Variants in DAB1 observed in about 807,000 individuals in gnomAD.
The protein encoded by DAB1 is DAB adaptor protein 1.
A neutral mutation model predicts 64.6 loss-of-function variants in DAB1; 15 were observed. That is an observed-to-expected ratio of 0.23 (90% confidence interval 0.16 to 0.36). The LOEUF is 0.36. DAB1 is among the 10% of genes least tolerant of loss of function. The pLI, the probability that DAB1 is intolerant of heterozygous loss-of-function variation, is 1.00. For missense variants in DAB1, 596 were observed against 706.7 expected (o/e 0.84, Z 1.78); for synonymous variants, 235 against 251.9 (o/e 0.93, Z 0.64).
At chr1:57,586,319 G>T (rs956118116) in intron 7 of DAB1, among the ~76,000 whole-genome samples, 3 of 152,098 alleles carry the variant, frequency 2.0e-5, no homozygotes, top group African/African-American at 7.2e-5. Context: ...GAAGCCCAAG[G>T]CTGGGTGAAT....
chr1:57,781,170 A>G (rs1296546294), intron 6 of DAB1, among the ~76,000 whole-genome samples: 194 of 74,442 alleles, frequency 2.6e-3, no homozygotes, highest in African/African-American at 9.8e-3. Flanking sequence ...ATATATATAT[A>G]TAGTTGCCTA....
rs367783977 is a variant in DAB1, at chr1:57,711,476, G to T, written n.552-61811C>A. On this transcript the variant is annotated intron_variant and non_coding_transcript_variant, in intron 6 of 20. Coordinates refer to the DAB1 transcript ENST00000485760. ...GGGGGAGTGGTGGGGATAGCAGTTG[G>T]CTCCAGGGGAATAGGAGTGAAACTG... is the stretch of plus-strand genomic sequence containing the variant. Among the ~76,000 whole-genome samples the T allele has an allele frequency of 2.0e-5, 3 of 152,316 alleles. No individual in the cohort carries two copies. In the East Asian group the frequency reaches 5.8e-4, roughly 29 times the overall value.
At chr1:57,553,799 C>G (rs893595011) in intron 7 of DAB1, among the ~76,000 whole-genome samples, 1 of 152,138 alleles carries the variant, frequency 6.6e-6, no homozygotes, top group African/African-American at 2.4e-5. Context: ...AGGGCGCTCA[C>G]TGAGGCTGGC....
intron 2 of DAB1, among the ~76,000 whole-genome samples, chr1:57,172,845 G>A (rs1661920547): frequency 6.6e-6 from 1 of 152,100 alleles, no homozygotes; most frequent in Non-Finnish European, 1.5e-5. Flanking sequence ...CTTTCAACAG[G>A]AGATTTGGAG....
At chr1:57,865,464 C>T (rs1462271198) in intron 1 of DAB1, among the ~76,000 whole-genome samples, 1 of 152,118 alleles carries the variant, frequency 6.6e-6, no homozygotes, top group Non-Finnish European at 1.5e-5. Flanking sequence ...TCTCCCTGAG[C>T]CACACACCCA....
chr1:57,206,492 T>C (rs1008630521), intron 2 of DAB1, among the ~76,000 whole-genome samples: 1 of 152,226 alleles, frequency 6.6e-6, no homozygotes, highest in Admixed American at 6.5e-5. Context: ...TACCTCCCTT[T>C]TATACATAAG....
chr1:57,010,929 C>T, intron 13 of DAB1, 139 bp from the exon 14 acceptor site: 1 of 858,000 alleles, frequency 1.2e-6, no homozygotes, highest in Non-Finnish European at 1.8e-6. Context: ...TGCTACACCA[C>T]AAATGTGGAC....
intron 5 of DAB1, among the ~76,000 whole-genome samples, chr1:58,099,847 G>A (rs1230433890): frequency 2.6e-5 from 4 of 152,166 alleles, no homozygotes; most frequent in African/African-American, 7.2e-5. Context: ...GTCCAGGACG[G>A]GCTCAGTTTT....
At chr1:58,522,821 A>G (rs1343364066) in intron 2 of DAB1, among the ~76,000 whole-genome samples, 1 of 152,176 alleles carries the variant, frequency 6.6e-6, no homozygotes, top group Non-Finnish European at 1.5e-5. Flanking sequence ...GAGAAAATAT[A>G]TTTACTATTC....
chr1:58,544,862 G>A (rs542500929), intron 1 of DAB1, among the ~76,000 whole-genome samples: 1 of 152,228 alleles, frequency 6.6e-6, no homozygotes, highest in Non-Finnish European at 1.5e-5. Flanking sequence ...CCAAAGTGTT[G>A]GGATTATAGG....
chr1:57,618,514 G>C (rs1645816881), intron 7 of DAB1, among the ~76,000 whole-genome samples: 1 of 151,888 alleles, frequency 6.6e-6, no homozygotes, highest in Non-Finnish European at 1.5e-5. Flanking sequence ...AGAAGATCCT[G>C]TGGGTTCTGG....
chr1:57,527,096 T>C (rs1399465387), intron 7 of DAB1, among the ~76,000 whole-genome samples: 2 of 152,166 alleles, frequency 1.3e-5, no homozygotes, highest in African/African-American at 2.4e-5. Context: ...TCCATGAAAC[T>C]AGAGAACTCT....
At chr1:57,255,260 T>C (rs1414769679) in intron 2 of DAB1, among the ~76,000 whole-genome samples, 2 of 152,182 alleles carry the variant, frequency 1.3e-5, no homozygotes, top group African/African-American at 4.8e-5. Context: ...CAAACCTGGG[T>C]ATGAAATTGT....
intron 3 of DAB1, among the ~76,000 whole-genome samples, chr1:58,503,230 A>G (rs1053652400): frequency 3.3e-5 from 5 of 152,178 alleles, no homozygotes; most frequent in African/African-American, 1.2e-4. Context: ...TATTGTTATC[A>G]TTGCTTTAGA....
intron 6 of DAB1, among the ~76,000 whole-genome samples, chr1:57,717,047 T>C (rs1224425619): frequency 1.3e-5 from 2 of 152,068 alleles, no homozygotes; most frequent in Non-Finnish European, 2.9e-5. Context: ...AAGACCAGGC[T>C]GGTCAACATA....
chr1:57,731,605 GA>G (rs1185148924), intron 6 of DAB1, among the ~76,000 whole-genome samples: 1 of 152,098 alleles, frequency 6.6e-6, no homozygotes, highest in Non-Finnish European at 1.5e-5. Context: ...AGGAGTTCGA[GA>G]CCAGCCTGGC....
At chr1:57,318,504 G>A (rs946826812) in intron 1 of DAB1, among the ~76,000 whole-genome samples, 4 of 151,998 alleles carry the variant, frequency 2.6e-5, no homozygotes, top group Non-Finnish European at 5.9e-5. Flanking sequence ...CTCAGCCTTC[G>A]AGAATCAGAT....
chr1:57,763,538 G>A (rs944580701), intron 6 of DAB1, among the ~76,000 whole-genome samples: 6 of 152,122 alleles, frequency 3.9e-5, no homozygotes, highest in African/African-American at 1.4e-4. Flanking sequence ...AATTAGCTGG[G>A]TGTGGTGGTG....
At chr1:58,015,354 A>G (rs1316329800) in intron 5 of DAB1, among the ~76,000 whole-genome samples, 1 of 151,458 alleles carries the variant, frequency 6.6e-6, no homozygotes, top group East Asian at 1.9e-4. Context: ...TCATTTTCCC[A>G]TCTCCTCTTT....
Sources: allele counts gnomAD v4.1 joint callset (sites outside exome capture counted in the v4.1 genomes callset), GRCh38; gene constraint gnomAD v4.1.1; transcripts MANE v1.5; gene names NCBI Gene and HGNC (gene_info 2026-07-23, HGNC 2026-07-21).